The following RMDN1 variants were observed in gnomAD, a reference collection of about 807,000 sequenced individuals.
The protein encoded by RMDN1 is regulator of microtubule dynamics protein 1.
Under a neutral mutation model 48.9 loss-of-function variants are expected in RMDN1, and 48 were observed. The ratio of observed to expected loss-of-function variants is 0.98; its 90% CI spans 0.78 to 1.25. The LOEUF (loss-of-function observed/expected upper bound fraction) is 1.25, where lower values mean the gene tolerates loss of function less well. RMDN1 is among the 50% of genes most tolerant of loss of function. The pLI is 0.00. For synonymous variants in RMDN1, 148 were observed against 132.6 expected (o/e 1.12, Z -0.80); for missense variants, 418 against 373.4 (o/e 1.12, Z -0.98).
In RMDN1 at chr8:86,472,714, A is replaced by G; in HGVS notation, c.*1594T>C. ...AGTTATGTCATATTTTTTACTGTTAAGTACTTATGCATGAATAAGTATAAG... is the reference window on the plus strand; with the variant it reads ...AGTTATGTCATATTTTTTACTGTTAGGTACTTATGCATGAATAAGTATAAG... On this transcript the variant is annotated 3_prime_UTR_variant, in exon 10 of 10. Transcript: ENST00000406452. 1 of 498,618 alleles carries G rather than the reference A, an allele frequency of 2.0e-6. No homozygotes were observed. The highest frequency in any genetic ancestry group is 3.5e-6 in the Non-Finnish European group (1 of 283,652). 30.9% of individuals were successfully genotyped at this position (498,618 alleles called of 1,614,324 possible).
chr8:86,477,941 C>A (rs1247078034), intron 7 of RMDN1: 1 of 151,520 alleles, frequency 6.6e-6, no homozygotes. Context: ...GGCTGGAATG[C>A]TGTAGCGCAA....
downstream of RMDN1, chr8:86,468,396 A>T (rs1348126611): frequency 1.3e-5 from 6 of 452,498 alleles, no homozygotes; most frequent in Non-Finnish European, 2.7e-5. Flanking sequence ...CCAAATCCTT[A>T]TTATGAACAC....
At chr8:86,504,027 G>A in intron 2 of RMDN1, 1 of 792,304 alleles carries the variant, frequency 1.3e-6, no homozygotes, top group South Asian at 1.3e-5. Context: ...CTACTGCCCT[G>A]CAGGGTACCT....
At chr8:86,479,750 T>C (rs1221454306) in intron 6 of RMDN1, among the ~76,000 whole-genome samples, 1 of 151,708 alleles carries the variant, frequency 6.6e-6, no homozygotes, top group East Asian at 1.9e-4. Flanking sequence ...TATTCAGCTC[T>C]GCAGGCTATA....
chr8:86,493,553 T>C (rs1563631746), intron 2 of RMDN1, among the ~76,000 whole-genome samples: 1 of 140,728 alleles, frequency 7.1e-6, no homozygotes, highest in Non-Finnish European at 1.6e-5. Flanking sequence ...ATGAACATTA[T>C]ATGAAGTGGA....
At chr8:86,504,135 G>A in intron 2 of RMDN1, 1 of 1,231,264 alleles carries the variant, frequency 8.1e-7, no homozygotes. Context: ...AAGAGCTATG[G>A]CCGGTATTAT....
At chr8:86,501,116 G>A (rs989650787) in intron 2 of RMDN1, among the ~76,000 whole-genome samples, 4 of 152,046 alleles carry the variant, frequency 2.6e-5, no homozygotes, top group Non-Finnish European at 5.9e-5. Flanking sequence ...CTACCTGGGT[G>A]ACAAAATCAC....
intron 5 of RMDN1, chr8:86,482,472 G>GA: frequency 3.5e-6 from 2 of 572,604 alleles, no homozygotes; most frequent in Non-Finnish European, 6.5e-6. Flanking sequence ...TATATTATTA[G>GA]AAAGTGTTAT....
intron 6 of RMDN1, among the ~76,000 whole-genome samples, chr8:86,479,655 C>T (rs1814004815): frequency 6.6e-6 from 1 of 152,072 alleles, no homozygotes; most frequent in Admixed American, 6.6e-5. Context: ...CTTAATATGT[C>T]CTTTATCCTG....
At chr8:86,468,469 G>C (rs1470717883), downstream of RMDN1, 1 of 428,384 alleles carries the variant, frequency 2.3e-6, no homozygotes, top group Non-Finnish European at 4.6e-6. Context: ...CAGGTTATGT[G>C]ATAGAGGGAA....
intron 9 of RMDN1, 34 bp from the exon 10 acceptor site, chr8:86,474,392 G>A: frequency 6.6e-7 from 1 of 1,517,380 alleles, no homozygotes; most frequent in Non-Finnish European, 9.1e-7. Flanking sequence ...TAAGTAAACA[G>A]GAGAGCTAAG....
upstream of RMDN1, among the ~76,000 whole-genome samples, chr8:86,510,545 G>A (rs955860445): frequency 4.9e-4 from 74 of 152,060 alleles, no homozygotes; most frequent in African/African-American, 1.8e-3. Flanking sequence ...GAACTTTTGG[G>A]CTGAAGAACT....
At chr8:86,469,396 C>T (rs543165935), downstream of RMDN1, among the ~76,000 whole-genome samples, 26 of 152,252 alleles carry the variant, frequency 1.7e-4, no homozygotes, top group South Asian at 1.2e-3. Flanking sequence ...TCCAGATACA[C>T]GACAGAAAGC....
chr8:86,505,115 C>T (rs1407251832), intron 2 of RMDN1: 5 of 1,348,542 alleles, frequency 3.7e-6, no homozygotes, highest in Non-Finnish European at 4.9e-6. Context: ...GCCACCTCTC[C>T]CTGAATGAGA....
At chr8:86,494,520 C>A (rs146186866) in intron 2 of RMDN1, among the ~76,000 whole-genome samples, 23,367 of 152,110 alleles carry the variant, frequency 0.15, 1,925 homozygotes, top group Non-Finnish European at 0.19. Flanking sequence ...CATGCCACTG[C>A]ACTTCAGCCT....
upstream of RMDN1, chr8:86,508,804 G>A: frequency 8.0e-7 from 1 of 1,256,032 alleles, no homozygotes; most frequent in African/African-American, 1.6e-5. Flanking sequence ...TTAGGGGGTG[G>A]GAAATACCCC....
At chr8:86,501,668 CA>C (rs1156642790) in intron 2 of RMDN1, among the ~76,000 whole-genome samples, 1 of 8,350 alleles carries the variant, frequency 1.2e-4, no homozygotes, top group Non-Finnish European at 3.1e-4. Context: ...GACCCTGTCT[CA>C]AAAAAAAAAT....
intron 5 of RMDN1, chr8:86,483,024 C>G: frequency 6.9e-6 from 4 of 582,782 alleles, no homozygotes; most frequent in Non-Finnish European, 6.1e-6. Flanking sequence ...CCGCCCAGGC[C>G]AGGGTTTAAT....
rs754131054 is a variant in RMDN1 at position 86,486,516 on chromosome 8, C to T, written c.463G>A (p.Glu155Lys). ...EALEYAKRAL[E>K]KNESSFASHK... is the part of the protein sequence containing the mutation. ...GATGCAAAACTTGATTCATTTTTTTCTAGTGCTCTTTTTGCATACTCTAGG... is the reference window on the plus strand; with the variant it reads ...GATGCAAAACTTGATTCATTTTTTTTTAGTGCTCTTTTTGCATACTCTAGG... The change falls in exon 4 of 10, where the codon GAA becomes AAA. Residue 155 changes from glutamate to lysine, a missense_variant. Transcript: ENST00000406452. 6.3e-7 allele frequency: 1 copy of T among 1,598,456 alleles called. No homozygotes were observed. Among genetic ancestry groups the T allele is most frequent in the Admixed American group, 1.7e-5 (1 of 59,036 alleles).
Sources: gnomAD v4.1 joint callset for allele counts (sites outside exome capture counted in the v4.1 genomes callset) on GRCh38, gnomAD v4.1.1 for gene constraint, MANE v1.5 for transcripts, NCBI Gene and HGNC (gene_info 2026-07-23, HGNC 2026-07-21) for gene names.